HS2ST1: variants seen among roughly 807,000 people sequenced by gnomAD.
The protein encoded by HS2ST1 is heparan sulfate 2-O-sulfotransferase 1, also known as 2-O-sulfotransferase.
HS2ST1 carries 18 observed loss-of-function variants against 42.9 expected under a neutral mutation model. That is an observed-to-expected ratio of 0.42 (90% CI 0.29 to 0.62). The LOEUF (loss-of-function observed/expected upper bound fraction) is 0.62, where lower values mean the gene tolerates loss of function less well. HS2ST1 is among the 20% of genes least tolerant of loss of function. HS2ST1 has a pLI of 0.21. For synonymous variants in HS2ST1, 146 were observed against 152.9 expected (o/e 0.95, Z 0.33); for missense variants, 334 against 433.8 (o/e 0.77, Z 2.04).
chr1:87,062,066 T>G lies in HS2ST1; in HGVS notation c.125-10868T>G, dbSNP rs116197245. The stretch of plus-strand genomic sequence containing the variant: ...TGTTCATGTTTGTTAGTCATTTGTA[T>G]ATCTTCTTTGATTATTGATTAGAGA... On this transcript the variant is annotated intron_variant, in intron 1 of 6. Transcript: ENST00000370550. 5.3e-3 allele frequency among the ~76,000 whole-genome samples: 809 copies of G among 152,276 alleles called. 10 individuals carry two copies. The highest frequency in any genetic ancestry group is 0.018 in the African/African-American group (767 of 41,578).
intron 1 of HS2ST1, among the ~76,000 whole-genome samples, chr1:86,944,815 A>C (rs1647281576): frequency 6.6e-6 from 1 of 152,006 alleles, no homozygotes; most frequent in East Asian, 1.9e-4. Flanking sequence ...TATTATTTTT[A>C]ACTTCCTAGG....
chr1:87,071,652 C>T (rs981161371), intron 1 of HS2ST1, among the ~76,000 whole-genome samples: 3 of 151,010 alleles, frequency 2.0e-5, no homozygotes, highest in African/African-American at 7.3e-5. Context: ...TGCTTGAACC[C>T]AGGAGGCAGA....
rs569683228 is a variant in HS2ST1, at chr1:87,034,676, T to A, written c.125-38258T>A. ...AGAAACTGTTACAGTGTAAAGTATA[T>A]GTACGAAGCTTTCCCTTTTAAAAGA... On this transcript the variant is annotated intron_variant, in intron 1 of 6. Transcript: ENST00000370550. Among the ~76,000 whole-genome samples, 183 of 152,332 alleles carry A rather than the reference T, an allele frequency of 1.2e-3. 1 individual carries two copies. The highest frequency in any genetic ancestry group is 4.1e-3 in the African/African-American group (172 of 41,580).
At chr1:86,948,135 A>C (rs964516624) in intron 1 of HS2ST1, among the ~76,000 whole-genome samples, 9 of 150,726 alleles carry the variant, frequency 6.0e-5, no homozygotes, top group African/African-American at 2.2e-4. Context: ...CAAAAAAAAA[A>C]CAAAAAAGAC....
At chr1:87,031,476 A>G (rs570255690) in intron 1 of HS2ST1, among the ~76,000 whole-genome samples, 4 of 152,188 alleles carry the variant, frequency 2.6e-5, no homozygotes, top group South Asian at 2.1e-4. Flanking sequence ...CTGGCTGCCA[A>G]TATACCAACT....
chr1:87,101,571 A>G (rs1264435224), intron 5 of HS2ST1, among the ~76,000 whole-genome samples: 16 of 152,196 alleles, frequency 1.1e-4, no homozygotes, highest in Admixed American at 1.0e-3. Context: ...TCCAGTTCTC[A>G]GTAACTTCTT....
intron 1 of HS2ST1, among the ~76,000 whole-genome samples, chr1:87,069,037 A>G (rs1447837667): frequency 6.6e-6 from 1 of 152,142 alleles, no homozygotes; most frequent in East Asian, 1.9e-4. Context: ...TTAAGGGGAA[A>G]TAGATTATCA....
At chr1:87,063,414 G>A (rs186938646) in intron 1 of HS2ST1, among the ~76,000 whole-genome samples, 4 of 152,174 alleles carry the variant, frequency 2.6e-5, no homozygotes, top group South Asian at 2.1e-4. Flanking sequence ...TCCGCTCACC[G>A]CAGCCTCTGC....
At chr1:86,964,133 C>T (rs1409555375) in intron 1 of HS2ST1, among the ~76,000 whole-genome samples, 2 of 151,482 alleles carry the variant, frequency 1.3e-5, no homozygotes, top group African/African-American at 4.9e-5. Flanking sequence ...CGGGCAGAGA[C>T]GCTCCTCACT....
At chr1:87,083,011 C>T (rs181030532) in intron 2 of HS2ST1, among the ~76,000 whole-genome samples, 1 of 152,148 alleles carries the variant, frequency 6.6e-6, no homozygotes, top group African/African-American at 2.4e-5. Context: ...TTCATAATTT[C>T]TCTTAGTATG....
intron 3 of HS2ST1, among the ~76,000 whole-genome samples, chr1:87,090,826 G>C (rs1651922366): frequency 6.6e-6 from 1 of 151,992 alleles, no homozygotes; most frequent in South Asian, 2.1e-4. Context: ...TCTCCTTGCT[G>C]TTCCTCAAAA....
intron 1 of HS2ST1, among the ~76,000 whole-genome samples, chr1:87,018,057 T>G (rs1330482786): frequency 1.3e-5 from 2 of 152,078 alleles, no homozygotes; most frequent in African/African-American, 2.4e-5. Flanking sequence ...CATAGCAGTT[T>G]GGAATTCTAG....
At chr1:87,091,025 T>C (rs1458682558) in intron 3 of HS2ST1, among the ~76,000 whole-genome samples, 1 of 152,004 alleles carries the variant, frequency 6.6e-6, no homozygotes, top group Non-Finnish European at 1.5e-5. Flanking sequence ...CACTGAATTA[T>C]TTTTCTCCTT....
Position 87,053,383 on chromosome 1 carries a change from C to T in HS2ST1, c.125-19551C>T, listed in dbSNP as rs907294455. On this transcript the variant is annotated intron_variant, in intron 1 of 6. Transcript: ENST00000370550. ...ATTTAAGGAAATCTCTGAATTATTC[C>T]TACCAGTTTAATATCAAAATTAATA... Among the ~76,000 whole-genome samples, 10 of 152,100 alleles carry T rather than the reference C, an allele frequency of 6.6e-5. No homozygotes were observed. The East Asian group carries it at 1.9e-3, about 29-fold the overall frequency.
At position 86,938,485 on chromosome 1, in the gene HS2ST1, G is replaced by C. The variant is rs555312865; in HGVS notation, c.124+23325G>C. ...TTTTAATTTTTCCAAGTTGAGTTTTGAATTTTTGATCTCTTTTGACAGCCT... is the reference window on the plus strand; with the variant it reads ...TTTTAATTTTTCCAAGTTGAGTTTTCAATTTTTGATCTCTTTTGACAGCCT... On this transcript the variant is annotated intron_variant, in intron 1 of 6. Coordinates refer to ENST00000370550, the MANE Select transcript of HS2ST1 (RefSeq NM_012262.4). Among the ~76,000 whole-genome samples the C allele has an allele frequency of 1.9e-3, 293 of 151,990 alleles. 1 individual carries two copies. The highest frequency in any genetic ancestry group is 6.7e-3 in the African/African-American group (278 of 41,478).
chr1:87,031,644 C>T (rs1650240563), intron 1 of HS2ST1, among the ~76,000 whole-genome samples: 1 of 152,188 alleles, frequency 6.6e-6, no homozygotes, highest in Admixed American at 6.5e-5. Flanking sequence ...TTGGTACAAG[C>T]TCCTTATTTG....
intron 1 of HS2ST1, among the ~76,000 whole-genome samples, chr1:87,030,190 G>A (rs1650193089): frequency 6.6e-6 from 1 of 152,122 alleles, no homozygotes; most frequent in Non-Finnish European, 1.5e-5. Context: ...CGTTAAATTA[G>A]GAGAAAAAGA....
At chr1:86,982,118 T>C (rs571935081) in intron 1 of HS2ST1, among the ~76,000 whole-genome samples, 51 of 152,364 alleles carry the variant, frequency 3.3e-4, no homozygotes, top group African/African-American at 1.2e-3. Context: ...GCCTAAGCTG[T>C]ACCTTGGCCC....
chr1:86,958,575 A>G (rs781175396), intron 1 of HS2ST1: 1 of 152,180 alleles, frequency 6.6e-6, no homozygotes, highest in Non-Finnish European at 1.5e-5. Context: ...TTTGTAATTA[A>G]CATTATGCAT....
Sources: allele counts gnomAD v4.1 joint callset (sites outside exome capture counted in the v4.1 genomes callset), GRCh38; gene constraint gnomAD v4.1.1; transcripts MANE v1.5; gene names NCBI Gene and HGNC (gene_info 2026-07-23, HGNC 2026-07-21).